The following FRMD3 variants were observed in gnomAD, a reference collection of about 807,000 sequenced individuals.
FRMD3 encodes the protein FERM domain containing 3, also known as FERM domain-containing protein 3.
Under a neutral mutation model 70.2 loss-of-function variants are expected in FRMD3, and 33 were observed. The observed-to-expected ratio is 0.47, with a 90% CI of 0.36 to 0.63. FRMD3 has a LOEUF of 0.63. Among genes scored for constraint, FRMD3 ranks in the 20% least tolerant of loss-of-function variants. The probability of loss-of-function intolerance (pLI) is 0.00; values close to 1 mark genes in which losing one functional copy is unlikely to be tolerated. For synonymous variants in FRMD3, 279 were observed against 255.9 expected (o/e 1.09, Z -0.86); for missense variants, 632 against 711.4 (o/e 0.89, Z 1.27).
At chr9:83,263,565 T>C (rs946288438) in intron 13 of FRMD3, among the ~76,000 whole-genome samples, 3 of 152,188 alleles carry the variant, frequency 2.0e-5, no homozygotes, top group African/African-American at 7.2e-5. Flanking sequence ...CACATCAGTA[T>C]TGGCCCTAGC....
chr9:83,335,379 A>G lies in FRMD3; in HGVS notation c.596+137T>C. On this transcript the variant is annotated intron_variant, in intron 6 of 13. Transcript: ENST00000304195. The stretch of plus-strand genomic sequence containing the variant: ...CCAGGGTGTCCTTGACAGTGCCCAG[A>G]AAAATTGCGCTGCCACGCAAAACAG... 4.7e-6 allele frequency: 4 copies of G among 851,534 alleles called. No individual in the cohort carries two copies. In the South Asian group the frequency reaches 7.1e-5, roughly 15 times the overall value. 52.7% of individuals were successfully genotyped at this position (851,534 alleles called of 1,614,324 possible).
At chr9:83,327,173 G>T (rs1836052306) in intron 6 of FRMD3, among the ~76,000 whole-genome samples, 1 of 152,214 alleles carries the variant, frequency 6.6e-6, no homozygotes, top group Non-Finnish European at 1.5e-5. Flanking sequence ...ATGGGCAGAA[G>T]AGCAATGTAA....
At chr9:83,406,603 C>T (rs560345839) in intron 1 of FRMD3, among the ~76,000 whole-genome samples, 3 of 152,342 alleles carry the variant, frequency 2.0e-5, no homozygotes, top group Middle Eastern at 3.4e-3. Flanking sequence ...GATGATAACC[C>T]TCCCAGATCA....
Position 83,351,687 on chromosome 9 carries a change from TGATAGATA to T in FRMD3, c.296-1938_296-1931del, listed in dbSNP as rs10641248. On this transcript the variant is annotated intron_variant, in intron 3 of 13. Transcript: ENST00000304195. ...GGTAGATAGATGATTGATAGTTACA[TGATAGATA>T]GATAGATAGATAGATAGATAGATAG... Among the ~76,000 whole-genome samples, 514 of 145,702 alleles carry T rather than the reference TGATAGATA, an allele frequency of 3.5e-3. 1 individual carries two copies. Among genetic ancestry groups the T allele is most frequent in the Middle Eastern group, 7.0e-3 (2 of 284 alleles).
In FRMD3 at chr9:83,342,692, T is replaced by TTAGATAGATAGA. The variant is rs71498046; in HGVS notation, c.472+486_472+497dup. Reference sequence around the variant, plus strand: ...ATGGATGGATGGATGGATGGATAGATTAGATAGATAGATAGATAGATAGAT... The same window carrying TTAGATAGATAGA: ...ATGGATGGATGGATGGATGGATAGATTAGATAGATAGATAGATAGATAGATAGATAGATAGAT... On this transcript the variant is annotated intron_variant, in intron 5 of 13. Transcript: ENST00000304195. Among the ~76,000 whole-genome samples the TTAGATAGATAGA allele has an allele frequency of 1.3e-3, 188 of 146,994 alleles. 1 individual carries two copies. Among genetic ancestry groups the TTAGATAGATAGA allele is most frequent in the Admixed American group, 2.7e-3 (40 of 14,680 alleles).
At chr9:83,383,227 T>G (rs1009543355) in intron 2 of FRMD3, among the ~76,000 whole-genome samples, 6 of 152,224 alleles carry the variant, frequency 3.9e-5, no homozygotes, top group African/African-American at 1.4e-4. Context: ...GTCAACACCA[T>G]GTGGGGCAGA....
At chr9:83,493,052 G>T (rs996287111) in intron 1 of FRMD3, among the ~76,000 whole-genome samples, 14 of 152,042 alleles carry the variant, frequency 9.2e-5, no homozygotes, top group African/African-American at 3.4e-4. Context: ...TTGACTTTGG[G>T]GAGGAGAAGC....
chr9:83,361,588 A>G (rs565143203), intron 3 of FRMD3, among the ~76,000 whole-genome samples: 26 of 152,352 alleles, frequency 1.7e-4, no homozygotes, highest in African/African-American at 6.0e-4. Context: ...GAAAGAGGCT[A>G]AAGAAAAATG....
chr9:83,455,997 T>C (rs1052727388), intron 1 of FRMD3, among the ~76,000 whole-genome samples: 1 of 152,196 alleles, frequency 6.6e-6, no homozygotes, highest in Non-Finnish European at 1.5e-5. Flanking sequence ...TTTTGAATGC[T>C]GCAAAATATA....
At chr9:83,463,658 A>G (rs1828038633) in intron 1 of FRMD3, among the ~76,000 whole-genome samples, 2 of 152,208 alleles carry the variant, frequency 1.3e-5, no homozygotes, top group Non-Finnish European at 2.9e-5. Flanking sequence ...CATATCAGTA[A>G]TAATAATAAC....
intron 1 of FRMD3, among the ~76,000 whole-genome samples, chr9:83,429,410 C>A (rs1212076878): frequency 1.3e-5 from 2 of 152,096 alleles, no homozygotes; most frequent in African/African-American, 4.8e-5. Context: ...CCCGTTTCTC[C>A]CTCTCCCTTT....
At chr9:83,425,546 G>A (rs77284778) in intron 1 of FRMD3, among the ~76,000 whole-genome samples, 4,652 of 152,216 alleles carry the variant, frequency 0.031, 252 homozygotes, top group African/African-American at 0.11. Flanking sequence ...TAGGGAGTTG[G>A]ATTTTTCTCT....
intron 1 of FRMD3, among the ~76,000 whole-genome samples, chr9:83,396,770 T>C (rs972101638): frequency 6.6e-6 from 1 of 152,264 alleles, no homozygotes; most frequent in East Asian, 1.9e-4. Context: ...AATCAGTTAA[T>C]GTGAATTTCC....
intron 1 of FRMD3, among the ~76,000 whole-genome samples, chr9:83,529,827 A>C (rs948357335): frequency 6.6e-6 from 1 of 152,220 alleles, no homozygotes; most frequent in Non-Finnish European, 1.5e-5. Context: ...AAATGGGCAA[A>C]GGATCTAAAT....
chr9:83,403,010 TCTC>T (rs1825996389), intron 1 of FRMD3, among the ~76,000 whole-genome samples: 1 of 150,184 alleles, frequency 6.7e-6, no homozygotes, highest in Admixed American at 6.7e-5. Flanking sequence ...TTCAAGCGAT[TCTC>T]CTGTCTTAGC....
chr9:83,313,172 T>A (rs1354756229), intron 7 of FRMD3, among the ~76,000 whole-genome samples: 1 of 152,184 alleles, frequency 6.6e-6, no homozygotes, highest in Non-Finnish European at 1.5e-5. Flanking sequence ...TGGGGTGAGG[T>A]CCAGGAGATT....
intron 6 of FRMD3, among the ~76,000 whole-genome samples, chr9:83,334,297 C>T (rs1280230421): frequency 6.6e-6 from 1 of 152,176 alleles, no homozygotes; most frequent in Non-Finnish European, 1.5e-5. Context: ...TGGCCTGTTG[C>T]TTTCTGAAAG....
intron 2 of FRMD3, among the ~76,000 whole-genome samples, chr9:83,378,988 A>G (rs545366464): frequency 4.0e-5 from 6 of 150,708 alleles, no homozygotes; most frequent in Admixed American, 3.3e-4. Context: ...TCAGCCTCTC[A>G]AAGTGCTGTG....
At chr9:83,446,959 C>A (rs72745100) in intron 1 of FRMD3, among the ~76,000 whole-genome samples, 4,336 of 152,242 alleles carry the variant, frequency 0.028, 78 homozygotes, top group Non-Finnish European at 0.039. Flanking sequence ...AACCTCAAAG[C>A]CCTCCTCCTC....
Sources: allele counts gnomAD v4.1 joint callset (sites outside exome capture counted in the v4.1 genomes callset), GRCh38; gene constraint gnomAD v4.1.1; transcripts MANE v1.5; gene names NCBI Gene and HGNC (gene_info 2026-07-23, HGNC 2026-07-21).